Variants in PCDH17 observed in about 807,000 individuals in gnomAD.
PCDH17 encodes protocadherin 17.
PCDH17 carries 21 observed loss-of-function variants against 67.7 expected under a neutral mutation model. That is an observed-to-expected ratio of 0.31 (90% CI 0.22 to 0.45). The LOEUF (loss-of-function observed/expected upper bound fraction) is 0.45, where lower values mean the gene tolerates loss of function less well. Among genes scored for constraint, PCDH17 ranks in the 20% least tolerant of loss-of-function variants. The probability of loss-of-function intolerance (pLI) is 1.00; values close to 1 mark genes in which losing one functional copy is unlikely to be tolerated. For synonymous variants in PCDH17, 701 were observed against 656.7 expected, an observed-to-expected ratio of 1.07 and a Z score of -1.03; for missense variants, 1,471 against 1,564.8, an observed-to-expected ratio of 0.94 and a Z score of 1.01.
intron 3 of PCDH17, among the ~76,000 whole-genome samples, chr13:57,688,342 GA>G (rs1266287772): frequency 6.6e-6 from 1 of 151,764 alleles, no homozygotes; most frequent in Admixed American, 6.6e-5. Flanking sequence ...AAAACTTTGG[GA>G]AAAATTGTGT....
intron 1 of PCDH17, among the ~76,000 whole-genome samples, chr13:57,650,491 A>G (rs909608570): frequency 1.3e-5 from 2 of 152,138 alleles, no homozygotes; most frequent in Admixed American, 6.6e-5. Context: ...CCCTACAAAA[A>G]GATACTTTAA....
At chr13:57,644,526 TA>T (rs138316142) in intron 1 of PCDH17, among the ~76,000 whole-genome samples, 22 of 150,328 alleles carry the variant, frequency 1.5e-4, no homozygotes, top group African/African-American at 2.7e-4. Context: ...CTATTTCTAT[TA>T]AAAAAAAAGA....
At chr13:57,666,862 G>A (rs1955262376) in intron 3 of PCDH17, 29 bp downstream of exon 3, 1 of 1,562,796 alleles carries the variant, frequency 6.4e-7, no homozygotes, top group Non-Finnish European at 8.7e-7. Flanking sequence ...TGCTTACAAA[G>A]TGTAAAGCTT....
chr13:57,662,117 T>C (rs1290184065), intron 1 of PCDH17, among the ~76,000 whole-genome samples: 3 of 152,144 alleles, frequency 2.0e-5, no homozygotes, highest in Non-Finnish European at 4.4e-5. Flanking sequence ...TCCACCCACC[T>C]TACCCTCCCA....
chr13:57,676,225 A>G (rs1422065314), intron 3 of PCDH17, among the ~76,000 whole-genome samples: 1 of 151,872 alleles, frequency 6.6e-6, no homozygotes, highest in Admixed American at 6.6e-5. Flanking sequence ...ATGCTAGGAA[A>G]AAAACAAAAA....
rs1164382892 is a variant in PCDH17 at position 57,632,560 on chromosome 13, T to G, written c.14T>G (p.Ile5Ser). The G allele has an allele frequency of 3.1e-6, 5 of 1,613,668 alleles. No homozygotes were observed. ...TACAGGTCTGGGATGTACCTTTCCA[T>G]CTGTTGCTGCTTTCTTCTATGGGCC... MYLS[I>S]CCCFLLWAPA... Residue 5 changes from isoleucine to serine, a missense_variant, in exon 1 of 4, where the codon ATC (isoleucine) becomes AGC (serine). Physicochemically the swap from Ile to Ser is moderately radical, Grantham distance 142. Transcript: ENST00000377918.
At chr13:57,636,013 A>G (rs1398944607) in intron 1 of PCDH17, among the ~76,000 whole-genome samples, 1 of 152,236 alleles carries the variant, frequency 6.6e-6, no homozygotes, top group East Asian at 1.9e-4. Flanking sequence ...TAGTGTGTAT[A>G]TTAAGTATAT....
At chr13:57,679,027 A>C (rs534301140) in intron 3 of PCDH17, among the ~76,000 whole-genome samples, 2 of 151,550 alleles carry the variant, frequency 1.3e-5, no homozygotes, top group African/African-American at 4.8e-5. Context: ...AACATTGTGT[A>C]GTGAAATATC....
chr13:57,668,389 G>C (rs960259373), intron 3 of PCDH17, among the ~76,000 whole-genome samples: 1 of 151,972 alleles, frequency 6.6e-6, no homozygotes, highest in African/African-American at 2.4e-5. Flanking sequence ...GTATCTTTAT[G>C]AGAAACTCTG....
intron 3 of PCDH17, among the ~76,000 whole-genome samples, chr13:57,679,073 T>A (rs1343881238): frequency 6.6e-6 from 1 of 151,460 alleles, no homozygotes; most frequent in African/African-American, 2.4e-5. Context: ...ACTAATAATA[T>A]AAGTAACCTA....
At chr13:57,712,059 A>G (rs1566245208) in intron 3 of PCDH17, among the ~76,000 whole-genome samples, 2 of 151,674 alleles carry the variant, frequency 1.3e-5, no homozygotes, top group Non-Finnish European at 3.0e-5. Context: ...TAATTTTTCC[A>G]TTTTATAATA....
rs1954735798 is a variant in PCDH17 at position 57,632,304 on chromosome 13, G to A, written c.-243G>A. 3.6e-6 allele frequency: 2 copies of A among 563,130 alleles called. No homozygotes were observed. Among genetic ancestry groups the A allele is most frequent in the African/African-American group, 3.8e-5 (2 of 53,052 alleles). 34.9% of individuals were successfully genotyped at this position (563,130 alleles called of 1,614,324 possible). A position where few individuals can be genotyped will look rare whatever the true frequency, so the allele number is the denominator to read the frequency against. On this transcript the variant is annotated 5_prime_UTR_variant, in exon 1 of 4. Transcript: ENST00000377918. The stretch of plus-strand genomic sequence containing the variant: ...AGCCACCGCCTTGCTCCAAGCCCCT[G>A]CAGCTCTGCTGCACCGCAGCTTCTC...
intron 3 of PCDH17, among the ~76,000 whole-genome samples, chr13:57,699,442 C>T (rs1418962299): frequency 1.3e-5 from 2 of 152,038 alleles, no homozygotes; most frequent in East Asian, 3.9e-4. Context: ...CAAATTTGCA[C>T]ATTACGTTTC....
At chr13:57,718,725 A>G (rs373911898) in intron 3 of PCDH17, among the ~76,000 whole-genome samples, 20 of 152,030 alleles carry the variant, frequency 1.3e-4, no homozygotes, top group Middle Eastern at 3.4e-3. Flanking sequence ...ATGTTGGACC[A>G]TTTTCTGATG....
Position 57,687,394 on chromosome 13 carries a change from T to C in PCDH17, c.2797+20561T>C, listed in dbSNP as rs373285442. ...GCTCTTTTCTTTCAATGGAGGTTCT[T>C]AGAATGTTTTTGTAGGTGTTTTGAT... On this transcript the variant is annotated intron_variant, in intron 3 of 3. Transcript: ENST00000377918. 3.5e-4 allele frequency among the ~76,000 whole-genome samples: 54 copies of C among 152,152 alleles called. 1 individual carries two copies. In the South Asian group the frequency reaches 0.011, roughly 30 times the overall value.
At chr13:57,681,378 C>T (rs976539654) in intron 3 of PCDH17, among the ~76,000 whole-genome samples, 2 of 151,814 alleles carry the variant, frequency 1.3e-5, no homozygotes, top group African/African-American at 4.8e-5. Context: ...TACTTCAGCA[C>T]CACCTATAGT....
intron 3 of PCDH17, among the ~76,000 whole-genome samples, chr13:57,681,742 C>G (rs1955452318): frequency 6.6e-6 from 1 of 151,748 alleles, no homozygotes; most frequent in Admixed American, 6.6e-5. Flanking sequence ...TGAGACAATT[C>G]TAAATATATG....
intron 3 of PCDH17, among the ~76,000 whole-genome samples, chr13:57,679,653 AT>A (rs1268451497): frequency 6.6e-6 from 1 of 151,490 alleles, no homozygotes; most frequent in Non-Finnish European, 1.5e-5. Flanking sequence ...GAAAGATGAA[AT>A]TGTTTTGTTT....
At chr13:57,711,537 T>C (rs1955776243) in intron 3 of PCDH17, among the ~76,000 whole-genome samples, 1 of 151,852 alleles carries the variant, frequency 6.6e-6, no homozygotes, top group Admixed American at 6.6e-5. Flanking sequence ...CTGTATTCCT[T>C]GGGTGATAAT....
Sources: gnomAD v4.1 joint callset for allele counts (sites outside exome capture counted in the v4.1 genomes callset) on GRCh38, gnomAD v4.1.1 for gene constraint, MANE v1.5 for transcripts, NCBI Gene and HGNC (gene_info 2026-07-23, HGNC 2026-07-21) for gene names.